CDH6: variants seen among roughly 807,000 people sequenced by gnomAD.
The protein encoded by CDH6 is cadherin-6.
A neutral mutation model predicts 78.0 loss-of-function variants in CDH6; 31 were observed. The ratio of observed to expected loss-of-function variants is 0.40; its 90% CI spans 0.30 to 0.54. The LOEUF (loss-of-function observed/expected upper bound fraction) is 0.54. Among genes scored for constraint, CDH6 ranks in the 20% least tolerant of loss-of-function variants. The pLI, the probability that CDH6 is intolerant of heterozygous loss-of-function variation, is 0.56. For missense variants in CDH6, 724 were observed against 975.9 expected (o/e 0.74, Z 3.44); for synonymous variants, 376 against 368.8 (o/e 1.02, Z -0.23).
intron 2 of CDH6, among the ~76,000 whole-genome samples, chr5:31,290,801 G>C (rs1743136675): frequency 6.6e-6 from 1 of 152,158 alleles, no homozygotes; most frequent in Non-Finnish European, 1.5e-5. Context: ...GAGGGAGGAA[G>C]GGGGAGGAAG....
intron 2 of CDH6, among the ~76,000 whole-genome samples, chr5:31,282,692 T>A (rs1047328253): frequency 3.9e-5 from 6 of 152,190 alleles, no homozygotes; most frequent in Admixed American, 1.3e-4. Context: ...TAAAGTTTTG[T>A]TCATTTAAGT....
intron 1 of CDH6, among the ~76,000 whole-genome samples, chr5:31,198,487 G>A (rs1465114738): frequency 6.6e-6 from 1 of 152,164 alleles, no homozygotes; most frequent in Non-Finnish European, 1.5e-5. Context: ...CATAAAGCTA[G>A]CATACCACAG....
intron 11 of CDH6, among the ~76,000 whole-genome samples, chr5:31,319,647 C>T (rs889918145): frequency 1.3e-5 from 2 of 152,168 alleles, no homozygotes; most frequent in Non-Finnish European, 1.5e-5. Context: ...AAATGCAGGG[C>T]GATTTCCAGG....
At chr5:31,230,301 T>C (rs1741280506) in intron 1 of CDH6, among the ~76,000 whole-genome samples, 1 of 152,172 alleles carries the variant, frequency 6.6e-6, no homozygotes, top group Non-Finnish European at 1.5e-5. Flanking sequence ...TCCAAAGACA[T>C]AGAGAACTCA....
intron 7 of CDH6, among the ~76,000 whole-genome samples, chr5:31,306,071 T>A (rs1475470998): frequency 6.6e-6 from 1 of 152,210 alleles, no homozygotes. Context: ...GTGTAAGATT[T>A]GTCAAAGAGT....
intron 1 of CDH6, among the ~76,000 whole-genome samples, chr5:31,265,753 T>C (rs1176429742): frequency 2.0e-5 from 3 of 151,144 alleles, no homozygotes; most frequent in Non-Finnish European, 4.4e-5. Flanking sequence ...TTGTTGTTAG[T>C]ATTATTTAAG....
At chr5:31,293,926 A>T in intron 2 of CDH6, 36 bp from the exon 3 acceptor site, 3 of 1,420,412 alleles carry the variant, frequency 2.1e-6, no homozygotes, top group Non-Finnish European at 2.9e-6. Context: ...CACATGCTTG[A>T]CTTTTACTTT....
At chr5:31,204,246 T>C (rs1740451944) in intron 1 of CDH6, among the ~76,000 whole-genome samples, 1 of 152,176 alleles carries the variant, frequency 6.6e-6, no homozygotes, top group Non-Finnish European at 1.5e-5. Context: ...CTTAGAAAAC[T>C]TTTTCTTCTT....
At chr5:31,226,986 A>G (rs1475234185) in intron 1 of CDH6, among the ~76,000 whole-genome samples, 3 of 152,152 alleles carry the variant, frequency 2.0e-5, no homozygotes, top group African/African-American at 7.2e-5. Context: ...TTCCAACCAT[A>G]TAAGGGCAAA....
chr5:31,312,917 A>G (rs1561070903), intron 7 of CDH6, among the ~76,000 whole-genome samples: 1 of 145,094 alleles, frequency 6.9e-6, no homozygotes, highest in Non-Finnish European at 1.5e-5. Flanking sequence ...AAGTAGAAAA[A>G]TAACCAAAAC....
chr5:31,244,914 G>C (rs1741700498), intron 1 of CDH6, among the ~76,000 whole-genome samples: 1 of 152,154 alleles, frequency 6.6e-6, no homozygotes, highest in African/African-American at 2.4e-5. Context: ...ATCATATACT[G>C]AGCCCCCCAC....
chr5:31,199,501 T>A (rs1740272899), intron 1 of CDH6, among the ~76,000 whole-genome samples: 1 of 94,676 alleles, frequency 1.1e-5, no homozygotes, highest in Non-Finnish European at 2.4e-5. Flanking sequence ...CACACACATA[T>A]GTGTATATAT....
In CDH6 at chr5:31,305,169, T is replaced by C; in HGVS notation, c.1000-5T>C. 1 of 1,606,504 alleles carries C rather than the reference T, an allele frequency of 6.2e-7. No homozygotes were observed. Among genetic ancestry groups the C allele is most frequent in the South Asian group, 1.1e-5 (1 of 89,924 alleles). ...GTCACTTCTTCCCCCACCCCCAACC[T>C]CAAGCTCTTGGACTTTGAAAAGAAG... On this transcript the variant is annotated splice_region_variant and splice_polypyrimidine_tract_variant and intron_variant, in intron 6 of 11. Transcript: ENST00000265071.
At chr5:31,313,290 C>G in intron 7 of CDH6, 28 bp from the exon 8 acceptor site, 1 of 1,586,348 alleles carries the variant, frequency 6.3e-7, no homozygotes, top group Non-Finnish European at 8.6e-7. Flanking sequence ...AAAGAAAAGC[C>G]TTTCTTAATT....
intron 5 of CDH6, among the ~76,000 whole-genome samples, chr5:31,301,734 A>T (rs997606280): frequency 1.2e-4 from 18 of 152,232 alleles, no homozygotes; most frequent in Admixed American, 1.1e-3. Context: ...CCTAGTAATT[A>T]ACTAAAAGTC....
At chr5:31,256,671 G>C (rs1212232026) in intron 1 of CDH6, among the ~76,000 whole-genome samples, 1 of 152,144 alleles carries the variant, frequency 6.6e-6, no homozygotes, top group Non-Finnish European at 1.5e-5. Context: ...AAAGGAAGAT[G>C]CTATTTATCA....
intron 1 of CDH6, among the ~76,000 whole-genome samples, chr5:31,241,753 C>T (rs1013093968): frequency 1.6e-4 from 24 of 152,162 alleles, no homozygotes; most frequent in African/African-American, 4.6e-4. Flanking sequence ...AAATAGCAAA[C>T]GCTGCTTTCT....
chr5:31,205,791 T>C (rs114440870), intron 1 of CDH6, among the ~76,000 whole-genome samples: 1,536 of 152,302 alleles, frequency 0.01, 34 homozygotes, highest in African/African-American at 0.035. Context: ...ATTTTGAATT[T>C]TGTTACTTAA....
chr5:31,322,478 T>C (rs1252409810), intron 11 of CDH6, among the ~76,000 whole-genome samples: 1 of 152,226 alleles, frequency 6.6e-6, no homozygotes, highest in Non-Finnish European at 1.5e-5. Flanking sequence ...TGCACCCTGA[T>C]TGCAGTACTT....
Sources: allele counts gnomAD v4.1 joint callset (sites outside exome capture counted in the v4.1 genomes callset), GRCh38; gene constraint gnomAD v4.1.1; transcripts MANE v1.5; gene names NCBI Gene and HGNC (gene_info 2026-07-23, HGNC 2026-07-21).